Variants in LAMA2 observed in about 807,000 individuals in gnomAD.
The protein encoded by LAMA2 is laminin subunit alpha 2, also known as laminin subunit alpha-2.
LAMA2 carries 269 observed loss-of-function variants against 364.8 expected under a neutral mutation model. The observed-to-expected ratio is 0.74, with a 90% CI of 0.67 to 0.82. LAMA2 has a LOEUF of 0.82. Among genes scored for constraint, LAMA2 ranks in the 40% least tolerant of loss-of-function variants. The pLI, the probability that LAMA2 is intolerant of heterozygous loss-of-function variation, is 0.00. For missense variants in LAMA2, 3,807 were observed against 3,873.2 expected, an observed-to-expected ratio of 0.98 and a Z score of 0.45; for synonymous variants, 1,379 against 1,370.6, an observed-to-expected ratio of 1.01 and a Z score of -0.14.
chr6:128,908,558 C>A, intron 1 of LAMA2, among the ~76,000 whole-genome samples: 1 of 139,324 alleles, frequency 7.2e-6, no homozygotes, highest in African/African-American at 2.8e-5. Context: ...AGCGGTCTAT[C>A]AATTTTGTTG....
chr6:129,053,462 A>T (rs1788235180), intron 2 of LAMA2, among the ~76,000 whole-genome samples: 1 of 152,126 alleles, frequency 6.6e-6, no homozygotes, highest in African/African-American at 2.4e-5. Context: ...CTTGTATAGA[A>T]TGTAAGAGGA....
intron 1 of LAMA2, among the ~76,000 whole-genome samples, chr6:128,910,656 CT>C (rs1220397837): frequency 1.1e-4 from 17 of 152,180 alleles, no homozygotes; most frequent in African/African-American, 4.1e-4. Context: ...CGTTCTCCGT[CT>C]AGCTTCGTTC....
At chr6:129,065,813 G>A (rs1789258351) in intron 3 of LAMA2, among the ~76,000 whole-genome samples, 1 of 152,066 alleles carries the variant, frequency 6.6e-6, no homozygotes, top group East Asian at 1.9e-4. Flanking sequence ...AATCATGGGA[G>A]TGTTTTCCCC....
At chr6:129,455,473 T>C (rs1782912213) in intron 47 of LAMA2, among the ~76,000 whole-genome samples, 1 of 152,182 alleles carries the variant, frequency 6.6e-6, no homozygotes, top group Admixed American at 6.5e-5. Flanking sequence ...GAACCTTATT[T>C]GATAAATTCA....
intron 1 of LAMA2, among the ~76,000 whole-genome samples, chr6:128,986,013 A>T (rs909145703): frequency 3.3e-5 from 5 of 152,058 alleles, no homozygotes; most frequent in Non-Finnish European, 5.9e-5. Flanking sequence ...CTTTCTTTTT[A>T]TTTCCCAGTT....
In LAMA2 at chr6:128,898,406, T is replaced by C. The variant is rs371601174; in HGVS notation, c.112+15049T>C. Among the ~76,000 whole-genome samples the C allele has an allele frequency of 4.6e-5, 7 of 152,128 alleles. No individual in the cohort carries two copies. In the South Asian group the frequency reaches 1.4e-3, roughly 32 times the overall value. On this transcript the variant is annotated intron_variant, in intron 1 of 64. Transcript: ENST00000421865. Reference sequence around the variant, plus strand: ...CATCAGCTTTTCCCAACTCAGAAAATGGTACCATCATTCACCCCTTGAATC... The same window carrying C: ...CATCAGCTTTTCCCAACTCAGAAAACGGTACCATCATTCACCCCTTGAATC...
intron 12 of LAMA2, among the ~76,000 whole-genome samples, chr6:129,211,247 T>C (rs2115072697): frequency 6.6e-6 from 1 of 152,214 alleles, no homozygotes; most frequent in South Asian, 2.1e-4. Flanking sequence ...GATGCACTGA[T>C]GATACACAAA....
chr6:129,097,494 T>A (rs1251955372), intron 3 of LAMA2, among the ~76,000 whole-genome samples: 4 of 152,222 alleles, frequency 2.6e-5, no homozygotes, highest in African/African-American at 9.6e-5. Context: ...TTCACCCCTT[T>A]TCTTGCATGT....
intron 1 of LAMA2, among the ~76,000 whole-genome samples, chr6:128,917,974 C>T (rs112582805): frequency 0.023 from 3,567 of 151,916 alleles, 127 homozygotes; most frequent in African/African-American, 0.082. Context: ...AAACAATCCT[C>T]CCCACCTCGG....
At chr6:128,886,634 A>G (rs1470721450) in intron 1 of LAMA2, among the ~76,000 whole-genome samples, 1 of 152,198 alleles carries the variant, frequency 6.6e-6, no homozygotes, top group Non-Finnish European at 1.5e-5. Flanking sequence ...GATTTAGGGA[A>G]GGCAATCATA....
intron 22 of LAMA2, among the ~76,000 whole-genome samples, chr6:129,301,703 G>A (rs1583449308): frequency 6.6e-6 from 1 of 151,966 alleles, no homozygotes; most frequent in Non-Finnish European, 1.5e-5. Flanking sequence ...CTTTTTGTGA[G>A]GTATTAATAA....
intron 49 of LAMA2, 111 bp from the exon 50 acceptor site, chr6:129,464,179 G>A (rs1276745068): frequency 2.2e-6 from 2 of 925,288 alleles, no homozygotes; most frequent in Admixed American, 1.8e-5. Flanking sequence ...TGTATTTAGG[G>A]TATTTCCTGC....
At chr6:129,288,112 G>A in intron 19 of LAMA2, 54 bp downstream of exon 19, 5 of 1,443,542 alleles carry the variant, frequency 3.5e-6, no homozygotes, top group East Asian at 2.3e-5. Flanking sequence ...GTACCTCAAA[G>A]TAGCTGATGA....
intron 1 of LAMA2, among the ~76,000 whole-genome samples, chr6:128,932,059 C>G (rs1359113248): frequency 6.6e-6 from 1 of 152,164 alleles, no homozygotes; most frequent in Non-Finnish European, 1.5e-5. Flanking sequence ...AAACCTCTCA[C>G]AACTTTTTAT....
intron 31 of LAMA2, among the ~76,000 whole-genome samples, chr6:129,352,263 C>T (rs899175074): frequency 6.6e-6 from 1 of 152,216 alleles, no homozygotes; most frequent in African/African-American, 2.4e-5. Flanking sequence ...AGTTACCAAA[C>T]TTCCAGTGTC....
Position 128,914,110 on chromosome 6 carries a change from G to T in LAMA2, c.112+30753G>T, listed in dbSNP as rs116223971. ...AACAGAAATTATTTCCAACATAAAT[G>T]TCCATAAATAATTTTGAAAATCTAG... On this transcript the variant is annotated intron_variant, in intron 1 of 64. Coordinates refer to ENST00000421865, the MANE Select transcript of LAMA2 (RefSeq NM_000426.4). Among the ~76,000 whole-genome samples the T allele has an allele frequency of 2.1e-3, 317 of 152,106 alleles. 2 individuals carry two copies. The highest frequency in any genetic ancestry group is 7.1e-3 in the African/African-American group (295 of 41,502).
intron 32 of LAMA2, among the ~76,000 whole-genome samples, chr6:129,359,408 T>A (rs1310677884): frequency 6.6e-6 from 1 of 151,632 alleles, no homozygotes; most frequent in East Asian, 1.9e-4. Flanking sequence ...AGCTTTCCTC[T>A]CTATTCAAAG....
chr6:129,235,682 C>T (rs1223408430), intron 12 of LAMA2, among the ~76,000 whole-genome samples: 1 of 152,044 alleles, frequency 6.6e-6, no homozygotes, highest in African/African-American at 2.4e-5. Flanking sequence ...TAAAGGGTAC[C>T]TATAGTTTAT....
At chr6:128,894,051 C>A (rs185155145) in intron 1 of LAMA2, among the ~76,000 whole-genome samples, 35 of 152,184 alleles carry the variant, frequency 2.3e-4, no homozygotes, top group African/African-American at 8.2e-4. Flanking sequence ...TTTAAGATAG[C>A]TGTAAATATT....
Sources: gnomAD v4.1 joint callset for allele counts (sites outside exome capture counted in the v4.1 genomes callset) on GRCh38, gnomAD v4.1.1 for gene constraint, MANE v1.5 for transcripts, NCBI Gene and HGNC (gene_info 2026-07-23, HGNC 2026-07-21) for gene names.